The following CDK5RAP2 variants were observed in gnomAD, a reference collection of about 807,000 sequenced individuals.
CDK5RAP2 encodes the protein CDK5 regulatory subunit associated protein 2.
Under a neutral mutation model 232.9 loss-of-function variants are expected in CDK5RAP2, and 147 were observed. The ratio of observed to expected loss-of-function variants is 0.63; its 90% confidence interval spans 0.55 to 0.72. The LOEUF is 0.72. Among genes scored for constraint, CDK5RAP2 ranks in the 30% least tolerant of loss-of-function variants. The pLI is 0.00. For missense variants in CDK5RAP2, 2,195 were observed against 2,231.5 expected, an observed-to-expected ratio of 0.98 and a Z score of 0.33; for synonymous variants, 833 against 833.7, an observed-to-expected ratio of 1.00 and a Z score of 0.01.
rs1233355675 is a variant in CDK5RAP2 at position 120,419,801 on chromosome 9, G to A, written c.4164C>T (p.Asn1388=). The A allele has an allele frequency of 2.7e-5, 43 of 1,613,362 alleles. No individual in the cohort carries two copies. Among genetic ancestry groups the A allele is most frequent in the Non-Finnish European group, 3.6e-5 (43 of 1,179,414 alleles). Residue 1388 remains asparagine, a synonymous_variant, in exon 27 of 38, where the codon AAC becomes AAT. Coordinates refer to ENST00000349780, the MANE Select transcript of CDK5RAP2 (RefSeq NM_018249.6). ...GGCTTAGCTTACCTTGAGAAAAACTGTTCACCATAACTGAAGTCTTCTCTG... is the reference window on the plus strand; with the variant it reads ...GGCTTAGCTTACCTTGAGAAAAACTATTCACCATAACTGAAGTCTTCTCTG... ...NETEKTSVMV[N]SFSQDLLMEH...
intron 5 of CDK5RAP2, 140 bp downstream of exon 5, chr9:120,545,573 TA>T: frequency 1.3e-6 from 1 of 741,530 alleles, no homozygotes; most frequent in Non-Finnish European, 2.4e-6. Context: ...GAAAAGTAAA[TA>T]ATTAAGTAAA....
At chr9:120,449,137 C>T (rs2036356601) in intron 21 of CDK5RAP2, among the ~76,000 whole-genome samples, 1 of 152,242 alleles carries the variant, frequency 6.6e-6, no homozygotes, top group South Asian at 2.1e-4. Context: ...CCCTGCTCTT[C>T]AGCAACAATG....
intron 14 of CDK5RAP2, among the ~76,000 whole-genome samples, chr9:120,486,924 T>C (rs1231248015): frequency 1.3e-5 from 2 of 152,138 alleles, no homozygotes; most frequent in African/African-American, 4.8e-5. Flanking sequence ...AAAATGAGAT[T>C]GGAAACTTGA....
intron 24 of CDK5RAP2, among the ~76,000 whole-genome samples, chr9:120,437,990 G>A (rs1358137606): frequency 1.3e-5 from 2 of 152,066 alleles, no homozygotes; most frequent in Non-Finnish European, 2.9e-5. Context: ...ATTTACTGAG[G>A]GTCTAGGACC....
At chr9:120,558,868 C>G (rs1323584045) in intron 3 of CDK5RAP2, among the ~76,000 whole-genome samples, 1 of 152,222 alleles carries the variant, frequency 6.6e-6, no homozygotes, top group East Asian at 1.9e-4. Flanking sequence ...GTATATGTTT[C>G]ATCTCTTTGC....
At position 120,451,060 on chromosome 9, in the gene CDK5RAP2, CTG is replaced by C. The variant is rs535998721; in HGVS notation, c.2793+2394_2793+2395del. Among the ~76,000 whole-genome samples, 3 of 152,358 alleles carry C rather than the reference CTG, an allele frequency of 2.0e-5. No homozygotes were observed. The South Asian group carries it at 6.2e-4, about 32-fold the overall frequency. The stretch of plus-strand genomic sequence containing the variant: ...CCAATCTTTATTCCTGGATCCAAAT[CTG>C]TGTGTCATATGGCAGCAGAAAACAT... On this transcript the variant is annotated intron_variant, in intron 21 of 37. Coordinates refer to ENST00000349780, the MANE Select transcript of CDK5RAP2 (RefSeq NM_018249.6).
Position 120,416,028 on chromosome 9 carries a change from A to AG in CDK5RAP2, c.4178-870dup, listed in dbSNP as rs2034193858. On this transcript the variant is annotated intron_variant, in intron 27 of 37. Transcript: ENST00000349780. ...GATTGATAACATAATCACAACTTAT[A>AG]GAAAAAAAAAATTCAGTTTCTCCCA... Among the ~76,000 whole-genome samples, 5 of 152,330 alleles carry AG rather than the reference A, an allele frequency of 3.3e-5. No individual in the cohort carries two copies. The South Asian group carries it at 1.0e-3, about 32-fold the overall frequency.
chr9:120,532,020 T>A (rs1307569096), intron 7 of CDK5RAP2, among the ~76,000 whole-genome samples: 1 of 151,496 alleles, frequency 6.6e-6, no homozygotes, highest in Non-Finnish European at 1.5e-5. Context: ...TTTTTTTTTT[T>A]AGTTACCTTA....
rs1207058850 is a variant in CDK5RAP2, at chr9:120,472,004, A to G, written c.1728-126T>C. 5 of 1,240,592 alleles carry G rather than the reference A, an allele frequency of 4.0e-6. No individual in the cohort carries two copies. In the East Asian group the frequency reaches 1.2e-4, roughly 29 times the overall value. 76.8% of individuals were successfully genotyped at this position (1,240,592 alleles called of 1,614,324 possible). On this transcript the variant is annotated intron_variant, in intron 15 of 37. Transcript: ENST00000349780. The stretch of plus-strand genomic sequence containing the variant: ...TTTTTCTGGTTATAAAAGTATATAC[A>G]GGTTTACTATAGAGAATTTTAAATA...
At chr9:120,474,477 C>G (rs2037895081) in intron 15 of CDK5RAP2, among the ~76,000 whole-genome samples, 1 of 152,120 alleles carries the variant, frequency 6.6e-6, no homozygotes, top group Admixed American at 6.6e-5. Flanking sequence ...AGGACATGCC[C>G]TCATGACAAA....
chr9:120,477,594 C>T, intron 14 of CDK5RAP2, 144 bp from the exon 15 acceptor site: 1 of 706,404 alleles, frequency 1.4e-6, no homozygotes, highest in Middle Eastern at 3.5e-4. Context: ...TGGCTCAGGC[C>T]ACAGTCAGAG....
At chr9:120,415,018 C>T (rs750039634) in intron 28 of CDK5RAP2, 22 bp downstream of exon 28, 1 of 1,613,772 alleles carries the variant, frequency 6.2e-7, no homozygotes, top group East Asian at 2.2e-5. Context: ...ATGTACAGTC[C>T]TCCAGGAAGG....
chr9:120,499,347 T>G (rs570067677), intron 12 of CDK5RAP2, among the ~76,000 whole-genome samples: 4 of 151,980 alleles, frequency 2.6e-5, no homozygotes, highest in Non-Finnish European at 1.5e-5. Flanking sequence ...TACTATTCTC[T>G]CTCCTTTTGT....
At chr9:120,560,590 T>C (rs2042426571) in intron 3 of CDK5RAP2, among the ~76,000 whole-genome samples, 1 of 152,178 alleles carries the variant, frequency 6.6e-6, no homozygotes, top group African/African-American at 2.4e-5. Context: ...TAGGGAAGTA[T>C]TCTGGTCTGC....
At chr9:120,416,250 C>T (rs574279088) in intron 27 of CDK5RAP2, among the ~76,000 whole-genome samples, 1 of 152,204 alleles carries the variant, frequency 6.6e-6, no homozygotes, top group Non-Finnish European at 1.5e-5. Context: ...TGAGGCCAAT[C>T]GCAAGCCCCC....
chr9:120,486,427 A>C (rs2038607101), intron 14 of CDK5RAP2, among the ~76,000 whole-genome samples: 2 of 152,044 alleles, frequency 1.3e-5, no homozygotes, highest in Admixed American at 6.5e-5. Flanking sequence ...AAAAAAAAAA[A>C]AAACCTGGCC....
At chr9:120,553,454 T>G (rs1469968334) in intron 3 of CDK5RAP2, among the ~76,000 whole-genome samples, 2 of 152,252 alleles carry the variant, frequency 1.3e-5, no homozygotes, top group Non-Finnish European at 2.9e-5. Flanking sequence ...CTCTGTTTCA[T>G]ACATTTTTAA....
chr9:120,437,308 C>G lies in CDK5RAP2; in HGVS notation c.3942G>C (p.Lys1314Asn), dbSNP rs2035640407. The change falls in exon 25 of 38, where the codon AAG becomes AAC. Residue 1314 changes from lysine (K) to asparagine (N), a missense_variant. Lys to Asn is a moderately conservative substitution (Grantham distance 94). Coordinates refer to ENST00000349780, the MANE Select transcript of CDK5RAP2 (RefSeq NM_018249.6). Reference sequence around the variant, plus strand: ...CACCCTACCTACCGTTGAGAAATAGCTTTTCCAATTTCTCCAGCAGCTCAG... The same window carrying G: ...CACCCTACCTACCGTTGAGAAATAGGTTTTCCAATTTCTCCAGCAGCTCAG... ...QCAELLEKLE[K>N]LFLNGKSVGV... The G allele has an allele frequency of 6.2e-7, 1 of 1,612,192 alleles. No homozygotes were observed. The highest frequency in any genetic ancestry group is 2.2e-5 in the East Asian group (1 of 44,792).
At chr9:120,462,836 A>G (rs1017793785) in intron 18 of CDK5RAP2, among the ~76,000 whole-genome samples, 1 of 152,232 alleles carries the variant, frequency 6.6e-6, no homozygotes, top group Non-Finnish European at 1.5e-5. Context: ...ACGCAGGCTT[A>G]CAATTTCTAT....
Sources: gnomAD v4.1 joint callset for allele counts (sites outside exome capture counted in the v4.1 genomes callset) on GRCh38, gnomAD v4.1.1 for gene constraint, MANE v1.5 for transcripts, NCBI Gene and HGNC (gene_info 2026-07-23, HGNC 2026-07-21) for gene names.